Variants in ZNF395 observed in about 807,000 individuals in gnomAD.
ZNF395 encodes HD gene regulatory region-binding protein 2.
Under a neutral mutation model 57.7 loss-of-function variants are expected in ZNF395, and 20 were observed. The observed-to-expected ratio is 0.35, with a 90% CI of 0.24 to 0.50. The LOEUF is 0.50. Ranked by LOEUF, ZNF395 falls within the 20% of genes least tolerant of loss-of-function variation. The probability of loss-of-function intolerance (pLI) is 0.97; values close to 1 mark genes in which losing one functional copy is unlikely to be tolerated. For synonymous variants in ZNF395, 295 were observed against 275.9 expected (o/e 1.07, Z -0.69); for missense variants, 606 against 671.2 (o/e 0.90, Z 1.07).
chr8:28,360,005 G>C (rs1801829587), intron 2 of ZNF395, among the ~76,000 whole-genome samples, 181 bp from the exon 3 acceptor site: 1 of 152,186 alleles, frequency 6.6e-6, no homozygotes, highest in Non-Finnish European at 1.5e-5. Flanking sequence ...CACCCACACA[G>C]GCCCAATTCC....
chr8:28,382,779 T>C (rs1473777481), intron 1 of ZNF395, among the ~76,000 whole-genome samples: 1 of 152,206 alleles, frequency 6.6e-6, no homozygotes, highest in East Asian at 1.9e-4. Context: ...ACTCACTGAA[T>C]GCGAAAACTC....
intron 4 of ZNF395, among the ~76,000 whole-genome samples, chr8:28,355,831 T>C (rs1374806890): frequency 6.6e-6 from 1 of 152,258 alleles, no homozygotes; most frequent in Non-Finnish European, 1.5e-5. Context: ...CTCTCCTTTA[T>C]GTTTAATTTC....
At chr8:28,385,760 C>T (rs1257319553) in intron 1 of ZNF395, among the ~76,000 whole-genome samples, 3 of 148,218 alleles carry the variant, frequency 2.0e-5, no homozygotes, top group Non-Finnish European at 4.5e-5. Context: ...CGGGAGGGGG[C>T]TCCGAGAGTG....
At chr8:28,380,126 T>G (rs754803335) in intron 1 of ZNF395, among the ~76,000 whole-genome samples, 2 of 152,192 alleles carry the variant, frequency 1.3e-5, no homozygotes, top group Non-Finnish European at 2.9e-5. Flanking sequence ...CATTGGATAT[T>G]TAGGTTATTC....
intron 1 of ZNF395, among the ~76,000 whole-genome samples, chr8:28,381,058 T>TG (rs1563343859): frequency 2.9e-5 from 4 of 138,756 alleles, no homozygotes; most frequent in Non-Finnish European, 3.1e-5. Flanking sequence ...TGTGTGTGTG[T>TG]TTTGACGGAG....
chr8:28,364,667 A>AG (rs1801889419), intron 1 of ZNF395, among the ~76,000 whole-genome samples: 1 of 151,930 alleles, frequency 6.6e-6, no homozygotes, highest in East Asian at 1.9e-4. Flanking sequence ...AAAAAAAAAA[A>AG]AAAAAAAGAA....
At chr8:28,355,453 T>C (rs928494536) in intron 4 of ZNF395, among the ~76,000 whole-genome samples, 64 of 152,304 alleles carry the variant, frequency 4.2e-4, no homozygotes, top group African/African-American at 1.5e-3. Context: ...AATTTTTTTT[T>C]TTTTTTTACA....
chr8:28,351,920 C>T lies in ZNF395; in HGVS notation c.921-113G>A, dbSNP rs747844611. On this transcript the variant is annotated intron_variant, in intron 6 of 9. Coordinates refer to ENST00000344423, the MANE Select transcript of ZNF395 (RefSeq NM_018660.3). The stretch of plus-strand genomic sequence containing the variant: ...TTGAGGCCACCCAGCAAGCCAGGGA[C>T]GGAGCCCAAGAGAACACCCAGGTGC... 77 of 1,311,718 alleles carry T rather than the reference C, an allele frequency of 5.9e-5. 2 individuals are homozygous for T. The highest frequency in any genetic ancestry group is 4.7e-4 in the South Asian group (31 of 65,528). 81.3% of individuals were successfully genotyped at this position (1,311,718 alleles called of 1,614,324 possible).
intron 1 of ZNF395, among the ~76,000 whole-genome samples, chr8:28,364,653 C>CAAAAAAAA (rs1221074238): frequency 2.3e-5 from 1 of 44,122 alleles, no homozygotes; most frequent in Admixed American, 2.2e-4. Flanking sequence ...GACTCCGTCT[C>CAAAAAAAA]AAAAAAAAAA....
chr8:28,350,205 A>G, intron 7 of ZNF395, 49 bp from the exon 8 acceptor site: 1 of 1,500,078 alleles, frequency 6.7e-7, no homozygotes, highest in Middle Eastern at 1.7e-4. Flanking sequence ...GGAAGTGTTC[A>G]GAGTCTGCCC....
At chr8:28,369,729 G>T (rs757306385) in intron 1 of ZNF395, among the ~76,000 whole-genome samples, 1 of 152,226 alleles carries the variant, frequency 6.6e-6, no homozygotes, top group African/African-American at 2.4e-5. Context: ...CCGCCCACAC[G>T]GGTGGGGGCA....
chr8:28,357,861 T>TATAC (rs1193740427), intron 3 of ZNF395, among the ~76,000 whole-genome samples: 12 of 152,184 alleles, frequency 7.9e-5, no homozygotes, highest in Non-Finnish European at 1.8e-4. Flanking sequence ...ATCTTGTATA[T>TATAC]AAGACAATTT....
chr8:28,369,078 T>C (rs1194289348), intron 1 of ZNF395, among the ~76,000 whole-genome samples: 2 of 151,768 alleles, frequency 1.3e-5, no homozygotes, highest in African/African-American at 4.8e-5. Flanking sequence ...TCAAGTGATC[T>C]GCCCACCTCG....
chr8:28,375,875 G>A lies in ZNF395; in HGVS notation c.-59+10518C>T, dbSNP rs555768519. 5.9e-4 allele frequency among the ~76,000 whole-genome samples: 90 copies of A among 152,248 alleles called. 3 individuals are homozygous for A. In the South Asian group the frequency reaches 0.016, roughly 27 times the overall value. On this transcript the variant is annotated intron_variant, in intron 1 of 9. Coordinates refer to ENST00000344423, the MANE Select transcript of ZNF395 (RefSeq NM_018660.3). ...GGAGAGGGAGTTTTCAATTCCTCCG[G>A]CACTTTGACAAGCAGCCACTGACTG... is the stretch of plus-strand genomic sequence containing the variant.
chr8:28,377,588 G>A (rs1228356944), intron 1 of ZNF395, among the ~76,000 whole-genome samples: 1 of 151,904 alleles, frequency 6.6e-6, no homozygotes, highest in East Asian at 1.9e-4. Flanking sequence ...GTTGAGCAAG[G>A]TGCTCCTGGG....
chr8:28,365,984 C>A (rs766994317), intron 1 of ZNF395, among the ~76,000 whole-genome samples: 1 of 152,202 alleles, frequency 6.6e-6, no homozygotes, highest in Non-Finnish European at 1.5e-5. Context: ...CACACACGCA[C>A]GGTGGCTGTG....
Position 28,348,731 on chromosome 8 carries a change from G to A in ZNF395, c.1530C>T (p.Arg510=). Residue 510 remains arginine (R), a synonymous_variant, in exon 10 of 10, where the codon CGC becomes CGT. Transcript: ENST00000344423. ...CCTGCAGCACAGCTCAGTCCAGAAA[G>A]CGCTGGCAGGCCTTCTTCCACCGGC... is the stretch of plus-strand genomic sequence containing the variant. ...TACRWKKACQ[R]FLD 1 of 1,614,070 alleles carries A rather than the reference G, an allele frequency of 6.2e-7. No individual in the cohort carries two copies. The highest frequency in any genetic ancestry group is 8.5e-7 in the Non-Finnish European group (1 of 1,180,004).
Position 28,356,319 on chromosome 8 carries a change from T to C in ZNF395, c.583+351A>G, listed in dbSNP as rs575163320. Reference sequence around the variant, plus strand: ...GGCCACTAGGAGACCATTTAGCATATTGCTACTTTGTGAACTAAATATTCC... The same window carrying C: ...GGCCACTAGGAGACCATTTAGCATACTGCTACTTTGTGAACTAAATATTCC... On this transcript the variant is annotated intron_variant, in intron 4 of 9. Coordinates refer to ENST00000344423, the MANE Select transcript of ZNF395 (RefSeq NM_018660.3). This position sits in a 1 kb window ranked among gnomAD's most constrained non-coding sequence, Gnocchi z 4.0. 1.8e-4 allele frequency among the ~76,000 whole-genome samples: 27 copies of C among 152,348 alleles called. No homozygotes were observed. The highest frequency in any genetic ancestry group is 6.0e-4 in the African/African-American group (25 of 41,582).
At chr8:28,351,103 G>A (rs926385861) in intron 7 of ZNF395, among the ~76,000 whole-genome samples, 19 of 152,174 alleles carry the variant, frequency 1.2e-4, no homozygotes, top group African/African-American at 1.9e-4. Flanking sequence ...TTCTTGGCCC[G>A]CAGGAAGTAT....
Sources: gnomAD v4.1 joint callset for allele counts (sites outside exome capture counted in the v4.1 genomes callset) on GRCh38, gnomAD v4.1.1 for gene constraint, Gnocchi (gnomAD v3.1) non-coding constraint, MANE v1.5 for transcripts, NCBI Gene and HGNC (gene_info 2026-07-23, HGNC 2026-07-21) for gene names.